The following DOCK4 variants were observed in gnomAD, a reference collection of about 807,000 sequenced individuals.
The protein encoded by DOCK4 is dedicator of cytokinesis 4.
DOCK4 carries 97 observed loss-of-function variants against 268.1 expected under a neutral mutation model. The observed-to-expected ratio is 0.36, with a 90% CI of 0.31 to 0.43. DOCK4 has a LOEUF of 0.43. Among genes scored for constraint, DOCK4 ranks in the 20% least tolerant of loss-of-function variants. The pLI is 1.00. For synonymous variants in DOCK4, 954 were observed against 887.2 expected (o/e 1.08, Z -1.34); for missense variants, 2,145 against 2,455.7 (o/e 0.87, Z 2.67).
chr7:111,764,150 A>G (rs1371095214), intron 39 of DOCK4, among the ~76,000 whole-genome samples: 1 of 152,222 alleles, frequency 6.6e-6, no homozygotes, highest in African/African-American at 2.4e-5. Flanking sequence ...GGTCATTTCA[A>G]CTGACTAAAG....
At chr7:112,177,956 C>T (rs117703810) in intron 1 of DOCK4, among the ~76,000 whole-genome samples, 1 of 152,200 alleles carries the variant, frequency 6.6e-6, no homozygotes, top group Non-Finnish European at 1.5e-5. Flanking sequence ...GGCTACACAC[C>T]TATACCTATC....
chr7:111,979,921 G>A (rs1287646857), intron 7 of DOCK4, among the ~76,000 whole-genome samples: 6 of 152,108 alleles, frequency 3.9e-5, no homozygotes, highest in Non-Finnish European at 5.9e-5. Context: ...CTTATGCCCA[G>A]GTCTTATCTC....
At chr7:111,988,759 A>G (rs1404077192) in intron 6 of DOCK4, among the ~76,000 whole-genome samples, 1 of 152,170 alleles carries the variant, frequency 6.6e-6, no homozygotes, top group Non-Finnish European at 1.5e-5. Context: ...TGAACATTTC[A>G]TTTTCCATGA....
chr7:112,050,319 G>T (rs150915255), intron 1 of DOCK4, among the ~76,000 whole-genome samples: 215 of 152,164 alleles, frequency 1.4e-3, no homozygotes, highest in African/African-American at 5.0e-3. Flanking sequence ...TATGGAGGAG[G>T]CTCTTTTGCT....
At chr7:111,997,025 G>C (rs369998606) in intron 4 of DOCK4, among the ~76,000 whole-genome samples, 1 of 152,172 alleles carries the variant, frequency 6.6e-6, no homozygotes, top group Non-Finnish European at 1.5e-5. Flanking sequence ...GGTTGCACAG[G>C]CTTGCTCAAA....
intron 1 of DOCK4, among the ~76,000 whole-genome samples, chr7:112,186,341 A>G (rs1428295898): frequency 6.6e-6 from 1 of 152,218 alleles, no homozygotes; most frequent in Non-Finnish European, 1.5e-5. Context: ...ACACTACAAC[A>G]TACTGACTAA....
intron 1 of DOCK4, among the ~76,000 whole-genome samples, chr7:112,066,572 GTGTATA>G (rs1563051351): frequency 2.8e-5 from 4 of 140,910 alleles, no homozygotes; most frequent in African/African-American, 1.1e-4. Context: ...ATATACACGT[GTGTATA>G]TGTATATATA....
chr7:112,000,539 G>A lies in DOCK4; in HGVS notation c.122-5C>T, dbSNP rs1188997827. ...AGGCAAATCCTCTGTACCAGCCTGT[G>A]GAAAAATAATCATGGTCATATTTTG... On this transcript the variant is annotated splice_polypyrimidine_tract_variant and splice_region_variant and intron_variant, in intron 2 of 52. Transcript: ENST00000428084. 1.6e-5 allele frequency: 25 copies of A among 1,536,002 alleles called. No homozygotes were observed. The highest frequency in any genetic ancestry group is 2.2e-5 in the Non-Finnish European group (25 of 1,132,168).
rs1803093580 is a variant in DOCK4 at position 111,834,651 on chromosome 7, T to C, written c.2772A>G (p.Arg924=). 1.3e-6 allele frequency: 2 copies of C among 1,555,126 alleles called. No homozygotes were observed. The highest frequency in any genetic ancestry group is 1.7e-4 in the Middle Eastern group (1 of 5,964). ...EFVACLLSLL[R]QMTDRHYQQL... ...GTTGATAATGTCTATCTGTCATTTG[T>C]CGTAATAGGGACAGGAGACAAGCAA... The change falls in exon 26 of 53, where the codon CGA becomes CGG. Residue 924 remains arginine, a synonymous_variant. Coordinates refer to ENST00000428084, the MANE Select transcript of DOCK4 (RefSeq NM_001363540.2).
chr7:111,761,431 G>A (rs1797400264), intron 39 of DOCK4, among the ~76,000 whole-genome samples: 1 of 152,066 alleles, frequency 6.6e-6, no homozygotes, highest in African/African-American at 2.4e-5. Context: ...CAAACCCTGG[G>A]CTCTTTCTAC....
Position 111,753,293 on chromosome 7 carries a change from C to T in DOCK4, c.4416+2222G>A, listed in dbSNP as rs562152990. Among the ~76,000 whole-genome samples the T allele has an allele frequency of 7.8e-4, 118 of 152,180 alleles. 1 individual carries two copies. Among genetic ancestry groups the T allele is most frequent in the Middle Eastern group, 3.4e-3 (1 of 294 alleles). ...AGCTCAAGACTAGCCTGAGCAACAT[C>T]GTGACACCTCATCTCTACAACAAAT... On this transcript the variant is annotated intron_variant, in intron 42 of 52. Transcript: ENST00000428084.
chr7:111,736,693 C>G (rs1246898002), intron 50 of DOCK4, among the ~76,000 whole-genome samples: 4 of 152,160 alleles, frequency 2.6e-5, no homozygotes, highest in African/African-American at 9.7e-5. Flanking sequence ...TAAACATAGG[C>G]GTTCCTATCT....
At chr7:112,099,132 A>C (rs1291160284) in intron 1 of DOCK4, among the ~76,000 whole-genome samples, 8 of 151,526 alleles carry the variant, frequency 5.3e-5, no homozygotes, top group Admixed American at 5.3e-4. Flanking sequence ...TCTACAAAAA[A>C]ATACAAAAAT....
At chr7:111,959,639 C>T (rs1281079107) in intron 8 of DOCK4, among the ~76,000 whole-genome samples, 1 of 152,202 alleles carries the variant, frequency 6.6e-6, no homozygotes, top group Admixed American at 6.5e-5. Context: ...TTCTCCCTAA[C>T]AGTTCTTTCT....
chr7:111,798,517 T>C (rs1800054903), intron 30 of DOCK4, among the ~76,000 whole-genome samples: 1 of 152,208 alleles, frequency 6.6e-6, no homozygotes, highest in Non-Finnish European at 1.5e-5. Flanking sequence ...TAAAAGGACC[T>C]ATTATATACA....
chr7:112,060,995 T>G (rs924791566), intron 1 of DOCK4, among the ~76,000 whole-genome samples: 1 of 152,160 alleles, frequency 6.6e-6, no homozygotes. Flanking sequence ...AGTAAAAAAT[T>G]AGAAAAAGAG....
At chr7:112,105,312 G>C (rs1011193982) in intron 1 of DOCK4, among the ~76,000 whole-genome samples, 1 of 152,078 alleles carries the variant, frequency 6.6e-6, no homozygotes, top group Non-Finnish European at 1.5e-5. Context: ...AAAAATCGAT[G>C]TGAAAATCCA....
intron 52 of DOCK4, among the ~76,000 whole-genome samples, chr7:111,729,689 C>G (rs1379977023): frequency 6.6e-6 from 1 of 152,150 alleles, no homozygotes; most frequent in East Asian, 1.9e-4. Flanking sequence ...TTTCCCAGCT[C>G]AGCAGGGCAT....
At chr7:111,732,121 C>T (rs978145966) in intron 52 of DOCK4, 105 bp downstream of exon 52, 8 of 1,152,628 alleles carry the variant, frequency 6.9e-6, no homozygotes, top group Admixed American at 2.3e-5. Context: ...AAGTTCTTTG[C>T]CTGGTCCCTG....
Sources: allele counts gnomAD v4.1 joint callset (sites outside exome capture counted in the v4.1 genomes callset), GRCh38; gene constraint gnomAD v4.1.1; transcripts MANE v1.5; gene names NCBI Gene and HGNC (gene_info 2026-07-23, HGNC 2026-07-21).